SETX: variants seen among roughly 807,000 people sequenced by gnomAD.
SETX encodes the protein senataxin, also known as helicase senataxin.
In SETX, 90 loss-of-function variants were observed where a neutral mutation model predicts 227.2. That is an observed-to-expected ratio of 0.40 (90% CI 0.33 to 0.47). The LOEUF is 0.47. Among genes scored for constraint, SETX ranks in the 20% least tolerant of loss-of-function variants. The pLI is 0.91. For synonymous variants in SETX, 1,210 were observed against 1,113.2 expected (o/e 1.09, Z -1.73); for missense variants, 3,052 against 3,181.5 (o/e 0.96, Z 0.98).
At chr9:132,301,209 T>C (rs7018635) in intron 11 of SETX, among the ~76,000 whole-genome samples, 37,806 of 151,008 alleles carry the variant, frequency 0.25, 6,031 homozygotes, top group East Asian at 0.67. Flanking sequence ...TCTCCTGCCT[T>C]AGCCTCCCAA....
In SETX at chr9:132,311,757, C is replaced by T. The variant is rs765402288; in HGVS notation, c.5374G>A (p.Val1792Ile). 4.4e-6 allele frequency: 7 copies of T among 1,605,130 alleles called. No individual in the cohort carries two copies. The highest frequency in any genetic ancestry group is 5.1e-6 in the Non-Finnish European group (6 of 1,172,608). ...CCAAGTTGCGTAAGAAAAAACTTACCTGCAAACTCCCAGTATTTTATATAA... is the reference window on the plus strand; with the variant it reads ...CCAAGTTGCGTAAGAAAAAACTTACTTGCAAACTCCCAGTATTTTATATAA... Reference protein sequence around the residue: ...ADYIKYWEFAVYLEECELAKQ... With the variant: ...ADYIKYWEFAIYLEECELAKQ... The change falls in exon 11 of 26, where the codon GTT becomes ATT. Residue 1792 changes from valine (V) to isoleucine (I), a missense_variant and splice_region_variant. Val to Ile is a conservative substitution (Grantham distance 29). This residue lies in a region of SETX where 239 missense variants were observed against 272.1 expected (regional missense o/e 0.88). Coordinates refer to ENST00000224140, the MANE Select transcript of SETX (RefSeq NM_015046.7).
chr9:132,302,626 C>T (rs1427552379), intron 11 of SETX, among the ~76,000 whole-genome samples: 1 of 136,972 alleles, frequency 7.3e-6, no homozygotes, highest in African/African-American at 2.8e-5. Flanking sequence ...CGCCATTGCA[C>T]TCCAGCCTGG....
At chr9:132,338,187 GGTCAA>G (rs1334256671) in intron 5 of SETX, among the ~76,000 whole-genome samples, 1 of 151,502 alleles carries the variant, frequency 6.6e-6, no homozygotes, top group Non-Finnish European at 1.5e-5. Flanking sequence ...TGCCTCCTGG[GGTCAA>G]GTCATTGTCC....
At chr9:132,304,245 T>C (rs1036100333) in intron 11 of SETX, among the ~76,000 whole-genome samples, 4 of 152,058 alleles carry the variant, frequency 2.6e-5, no homozygotes, top group African/African-American at 9.7e-5. Context: ...TAATGGTCCA[T>C]GGGGTTTGAA....
chr9:132,342,965 T>C (rs1230676496), intron 4 of SETX, among the ~76,000 whole-genome samples, 166 bp from the exon 5 acceptor site: 1 of 152,196 alleles, frequency 6.6e-6, no homozygotes, highest in East Asian at 1.9e-4. Flanking sequence ...AATATTTACC[T>C]GACAGGCTAA....
chr9:132,269,303 T>TTA (rs1479526451), intron 25 of SETX: 2 of 802,042 alleles, frequency 2.5e-6, no homozygotes, highest in Non-Finnish European at 3.6e-6. Flanking sequence ...GAGTGTTTAC[T>TTA]AAGTGCCAAG....
intron 5 of SETX, among the ~76,000 whole-genome samples, chr9:132,341,691 T>C (rs890760873): frequency 2.0e-5 from 3 of 152,216 alleles, no homozygotes; most frequent in African/African-American, 7.2e-5. Flanking sequence ...TTTAATACTT[T>C]GGCAACCTTC....
At chr9:132,301,985 A>C (rs1845022451) in intron 11 of SETX, among the ~76,000 whole-genome samples, 2 of 152,254 alleles carry the variant, frequency 1.3e-5, no homozygotes, top group South Asian at 4.1e-4. Flanking sequence ...ACTAAGTTCA[A>C]GGCCTAAGAC....
At chr9:132,326,236 T>G in intron 10 of SETX, 88 bp downstream of exon 10, 1 of 1,084,164 alleles carries the variant, frequency 9.2e-7, no homozygotes, top group South Asian at 1.3e-5. Flanking sequence ...CTGGCTGATT[T>G]TTTGAACTAT....
intron 18 of SETX, among the ~76,000 whole-genome samples, chr9:132,285,963 T>C (rs11243709): frequency 0.056 from 8,185 of 147,162 alleles, 336 homozygotes; most frequent in East Asian, 0.25. Flanking sequence ...GGCAGGAGGA[T>C]CATGACGTCA....
rs758851456 is a variant in SETX at position 132,326,817 on chromosome 9, G to A, written c.4781C>T (p.Pro1594Leu). 6.2e-7 allele frequency: 1 copy of A among 1,614,206 alleles called. No homozygotes were observed. Among genetic ancestry groups the A allele is most frequent in the East Asian group, 2.2e-5 (1 of 44,880 alleles). ...LPPPASKPLR[P>L]TTKIFSSKST... The stretch of plus-strand genomic sequence containing the variant: ...CTTTGAGCTAAAAATCTTAGTGGTA[G>A]GTCTCAAAGGTTTAGATGCAGGAGG... Residue 1594 changes from proline (P) to leucine (L), a missense_variant, in exon 10 of 26, where the codon CCT becomes CTT. Coordinates refer to ENST00000224140, the MANE Select transcript of SETX (RefSeq NM_015046.7).
At chr9:132,319,827 G>A (rs954714502) in intron 10 of SETX, among the ~76,000 whole-genome samples, 5 of 152,102 alleles carry the variant, frequency 3.3e-5, no homozygotes, top group Admixed American at 2.6e-4. Flanking sequence ...TCCCTACTGG[G>A]CACTGAGAAT....
intron 17 of SETX, among the ~76,000 whole-genome samples, chr9:132,287,576 T>A (rs1246000548): frequency 6.6e-6 from 1 of 152,232 alleles, no homozygotes; most frequent in Non-Finnish European, 1.5e-5. Flanking sequence ...GTTTATGTAT[T>A]ATCTATGGCT....
chr9:132,328,089 G>A lies in SETX; in HGVS notation c.3509C>T (p.Ala1170Val), dbSNP rs757179843. Residue 1170 changes from alanine to valine, a missense_variant, in exon 10 of 26, where the codon GCT becomes GTT. Ala to Val is a moderately conservative substitution (Grantham distance 64, BLOSUM62 0). This residue lies in a region of SETX where 1,483 missense variants were observed against 1,312.0 expected (regional missense o/e 1.13). Transcript: ENST00000224140. The stretch of plus-strand genomic sequence containing the variant: ...AGATGAAGGCCTCACAGGATCTTCA[G>A]CCATTGGTTTTTCAGATCGTTTTCT... The part of the protein sequence containing the change: ...PKRKRSEKPM[A>V]EDPVRPSSSV... The A allele has an allele frequency of 1.2e-6, 2 of 1,614,068 alleles. No homozygotes were observed.
intron 11 of SETX, among the ~76,000 whole-genome samples, chr9:132,302,076 C>T (rs905759279): frequency 3.9e-5 from 6 of 152,078 alleles, no homozygotes; most frequent in Non-Finnish European, 8.8e-5. Flanking sequence ...AGCAGATGGC[C>T]GCCAGGCACA....
intron 2 of SETX, among the ~76,000 whole-genome samples, chr9:132,352,937 C>T (rs1004774854): frequency 7.2e-5 from 11 of 152,200 alleles, no homozygotes; most frequent in Non-Finnish European, 2.9e-5. Flanking sequence ...GCTCCAGAGC[C>T]TACCCCTTAA....
intron 25 of SETX, 40 bp from the exon 26 acceptor site, chr9:132,265,025 G>A (rs1378637032): frequency 2.5e-6 from 4 of 1,605,474 alleles, no homozygotes; most frequent in South Asian, 2.2e-5. Context: ...ACACCCCAAA[G>A]AGACACTGCT....
Position 132,330,480 on chromosome 9 carries a change from G to A in SETX, c.1118C>T (p.Ala373Val), listed in dbSNP as rs149981991. 3.1e-6 allele frequency: 5 copies of A among 1,612,900 alleles called. No individual in the cohort carries two copies. The highest frequency in any genetic ancestry group is 2.7e-5 in the African/African-American group (2 of 74,890). The change falls in exon 10 of 26, where the codon GCC becomes GTC. Residue 373 changes from alanine to valine, a missense_variant. Physicochemically the swap from Ala to Val is moderately conservative, Grantham distance 64. This residue lies in a region of SETX where 39 missense variants were observed against 84.8 expected (regional missense o/e 0.46). Transcript: ENST00000224140. Reference protein sequence around the residue: ...KTKKDSGWRTAICPDYCPNMY... With the variant: ...KTKKDSGWRTVICPDYCPNMY... ...GTTAGGACAATAATCTGGGCAAATG[G>A]CTGTTCTCCATCCAGAATCCTAAAA...
In SETX at chr9:132,290,245, TA is replaced by T. The variant is rs761261261; in HGVS notation, c.6107-1595del. ...ACAAAAAAACACCTTTATTCGTCTT[TA>T]TTTTTTTTCCCACGTGTTATTATTT... is the stretch of plus-strand genomic sequence containing the variant. On this transcript the variant is annotated intron_variant, in intron 15 of 25. Coordinates refer to ENST00000224140, the MANE Select transcript of SETX (RefSeq NM_015046.7). Among the ~76,000 whole-genome samples the T allele has an allele frequency of 5.5e-4, 80 of 145,378 alleles. 1 individual carries two copies. In the East Asian group the frequency reaches 6.4e-3, roughly 12 times the overall value.
Sources: allele counts gnomAD v4.1 joint callset (sites outside exome capture counted in the v4.1 genomes callset), GRCh38; gene constraint gnomAD v4.1.1; regional missense constraint gnomAD v4.1.1; transcripts MANE v1.5; gene names NCBI Gene and HGNC (gene_info 2026-07-23, HGNC 2026-07-21).